The following NCR2 variants were observed in gnomAD, a reference collection of about 807,000 sequenced individuals.
NCR2 encodes natural cytotoxicity triggering receptor 2.
Under a neutral mutation model 30.7 loss-of-function variants are expected in NCR2, and 35 were observed. The observed-to-expected ratio is 1.14, with a 90% CI of 0.87 to 1.51. NCR2 has a LOEUF of 1.51. NCR2 is among the 40% of genes most tolerant of loss of function. The pLI is 0.00. For synonymous variants in NCR2, 146 were observed against 134.8 expected (o/e 1.08, Z -0.58); for missense variants, 316 against 328.9 (o/e 0.96, Z 0.30).
chr6:41,336,271 T>C lies in NCR2; in HGVS notation c.237T>C (p.Ser79=), dbSNP rs1364493487. The change falls in exon 2 of 5, where the codon TCT becomes TCC. Residue 79 remains serine (S), a synonymous_variant. Transcript: ENST00000373089. ...AGCCCAGGACGATGGCTTGGACCTC[T>C]CGATTCACAATCTGGGACGACCCTG... The part of the protein sequence containing the change: ...SSKPRTMAWT[S]RFTIWDDPDA... The C allele has an allele frequency of 6.2e-7, 1 of 1,614,178 alleles. No individual in the cohort carries two copies. Among genetic ancestry groups the C allele is most frequent in the South Asian group, 1.1e-5 (1 of 91,088 alleles).
chr6:41,339,899 T>C (rs1168514745), intron 2 of NCR2, among the ~76,000 whole-genome samples: 1 of 152,234 alleles, frequency 6.6e-6, no homozygotes, highest in African/African-American at 2.4e-5. Context: ...TTCTACCATC[T>C]TCATCTGGCT....
intron 4 of NCR2, among the ~76,000 whole-genome samples, chr6:41,346,101 G>C (rs1341453450): frequency 6.6e-6 from 1 of 152,112 alleles, no homozygotes; most frequent in Non-Finnish European, 1.5e-5. Context: ...CATCACTGCA[G>C]ATTCTGTACA....
At chr6:41,341,715 T>TC (rs1360827337) in intron 2 of NCR2, 79 bp from the exon 3 acceptor site, 2 of 1,506,328 alleles carry the variant, frequency 1.3e-6, no homozygotes, top group South Asian at 1.2e-5. Flanking sequence ...CTGGTCCAAC[T>TC]CCCCCATCCA....
Position 41,341,716 on chromosome 6 carries a change from C to T in NCR2, c.395-78C>T, listed in dbSNP as rs141309809. 7.3e-6 allele frequency: 11 copies of T among 1,514,188 alleles called. No individual in the cohort carries two copies. The African/African-American group carries it at 9.6e-5, about 13-fold the overall frequency. 93.8% of individuals were successfully genotyped at this position (1,514,188 alleles called of 1,614,324 possible). ...GCTCTGTTCCCAGTCTGGTCCAACTCCCCCATCCAGCTCTCCTGCCGGCAG... is the reference window on the plus strand; with the variant it reads ...GCTCTGTTCCCAGTCTGGTCCAACTTCCCCATCCAGCTCTCCTGCCGGCAG... On this transcript the variant is annotated intron_variant, in intron 2 of 4. Transcript: ENST00000373089.
chr6:41,338,214 G>A lies in NCR2; in HGVS notation c.394+1786G>A, dbSNP rs560489257. Among the ~76,000 whole-genome samples, 20 of 152,234 alleles carry A rather than the reference G, an allele frequency of 1.3e-4. 1 individual carries two copies. The South Asian group carries it at 2.5e-3, about 19-fold the overall frequency. ...TAAACTGGCTTCTTGTCTTAATTAG[G>A]AATTCTTCCTATAGATGAAACATGC... On this transcript the variant is annotated intron_variant, in intron 2 of 4. Coordinates refer to ENST00000373089, the MANE Select transcript of NCR2 (RefSeq NM_004828.4).
Position 41,350,633 on chromosome 6 carries a change from G to A in NCR2, c.645-45G>A, listed in dbSNP as rs367997940. On this transcript the variant is annotated intron_variant, in intron 4 of 4. Coordinates refer to ENST00000373089, the MANE Select transcript of NCR2 (RefSeq NM_004828.4). ...TGCCTCTGCACCTATGTGCAATTATGTGGCAGTCTCTGACCACCTTCCTGG... is the reference window on the plus strand; with the variant it reads ...TGCCTCTGCACCTATGTGCAATTATATGGCAGTCTCTGACCACCTTCCTGG... The A allele has an allele frequency of 6.5e-5, 102 of 1,561,680 alleles. 3 individuals are homozygous for A. The Middle Eastern group carries it at 8.9e-4, about 14-fold the overall frequency.
chr6:41,339,418 C>A (rs1321586148), intron 2 of NCR2, among the ~76,000 whole-genome samples: 1 of 151,196 alleles, frequency 6.6e-6, no homozygotes, highest in Non-Finnish European at 1.5e-5. Flanking sequence ...CAGAGTCTCA[C>A]TCAGTCACCC....
chr6:41,347,259 G>A (rs1769323616), intron 4 of NCR2, among the ~76,000 whole-genome samples: 2 of 152,130 alleles, frequency 1.3e-5, no homozygotes, highest in Admixed American at 6.5e-5. Context: ...CCTCTCTCCT[G>A]CATCATCTTC....
Position 41,350,837 on chromosome 6 carries a change from C to A in NCR2, c.804C>A (p.Ser268Arg). 1.1e-6 allele frequency: 1 copy of A among 921,422 alleles called. No homozygotes were observed. The highest frequency in any genetic ancestry group is 1.8e-6 in the Non-Finnish European group (1 of 553,598). 57.1% of individuals were successfully genotyped at this position (921,422 alleles called of 1,614,324 possible). ...ACACTGTTGCAAGGACTAAGATAAG[C>A]GATGATGATGATGAACACACTTTGT... The part of the protein sequence containing the change: ...LYHTVARTKI[S>R]DDDDEHTL The change falls in exon 5 of 5, where the codon AGC becomes AGA. Residue 268 changes from serine (S) to arginine (R), a missense_variant. Ser to Arg is a moderately radical substitution (Grantham distance 110). Transcript: ENST00000373089.
intron 4 of NCR2, among the ~76,000 whole-genome samples, chr6:41,348,281 T>C (rs1396591915): frequency 6.6e-6 from 1 of 152,138 alleles, no homozygotes; most frequent in African/African-American, 2.4e-5. Flanking sequence ...AACTCATCAT[T>C]TAAACCAGGT....
In NCR2 at chr6:41,336,267, C is replaced by T. The variant is rs780589880; in HGVS notation, c.233C>T (p.Thr78Ile). The change falls in exon 2 of 5, where the codon ACC becomes ATC. Residue 78 changes from threonine to isoleucine, a missense_variant. Coordinates refer to ENST00000373089, the MANE Select transcript of NCR2 (RefSeq NM_004828.4). ...TCCAAGCCCAGGACGATGGCTTGGA[C>T]CTCTCGATTCACAATCTGGGACGAC... Reference protein sequence around the residue: ...TSSKPRTMAWTSRFTIWDDPD... With the variant: ...TSSKPRTMAWISRFTIWDDPD... The T allele has an allele frequency of 8.7e-6, 14 of 1,614,168 alleles. No individual in the cohort carries two copies. In the South Asian group the frequency reaches 1.5e-4, roughly 18 times the overall value.
chr6:41,345,037 ACT>A (rs762045689), intron 4 of NCR2, among the ~76,000 whole-genome samples: 4 of 146,678 alleles, frequency 2.7e-5, no homozygotes. Flanking sequence ...CCCACTGCAC[ACT>A]CTCTCTCTGT....
intron 4 of NCR2, among the ~76,000 whole-genome samples, chr6:41,346,218 A>G (rs1333504601): frequency 2.0e-5 from 3 of 152,106 alleles, no homozygotes; most frequent in Non-Finnish European, 4.4e-5. Context: ...CGTAGACAAG[A>G]TCTACATGAA....
chr6:41,338,809 T>A (rs1769092642), intron 2 of NCR2, among the ~76,000 whole-genome samples: 1 of 152,236 alleles, frequency 6.6e-6, no homozygotes, highest in Non-Finnish European at 1.5e-5. Context: ...GAAAATGATA[T>A]CAAGCTCCCT....
chr6:41,348,253 G>A (rs750172610), intron 4 of NCR2, among the ~76,000 whole-genome samples: 18 of 152,242 alleles, frequency 1.2e-4, no homozygotes, highest in South Asian at 2.1e-4. Flanking sequence ...CCATTATGGC[G>A]TCAGGATGAG....
intron 4 of NCR2, among the ~76,000 whole-genome samples, chr6:41,342,706 C>G (rs1769205950): frequency 6.6e-6 from 1 of 152,150 alleles, no homozygotes; most frequent in Admixed American, 6.5e-5. Flanking sequence ...TCATTCTAGT[C>G]CTGAGGGAGA....
At chr6:41,340,160 T>C (rs1296096289) in intron 2 of NCR2, among the ~76,000 whole-genome samples, 1 of 151,474 alleles carries the variant, frequency 6.6e-6, no homozygotes, top group African/African-American at 2.4e-5. Context: ...TATTTATTTA[T>C]TTATTTATTT....
At position 41,336,334 on chromosome 6, in the gene NCR2, A is replaced by G. The variant is rs762769704; in HGVS notation, c.300A>G (p.Arg100=). The G allele has an allele frequency of 3.0e-5, 48 of 1,614,092 alleles. 1 individual carries two copies. The South Asian group carries it at 4.9e-4, about 17-fold the overall frequency. ...TCACTGTCACCATGACTGATCTGAG[A>G]GAGGAAGACTCAGGACATTACTGGT... The part of the protein sequence containing the change: ...GFFTVTMTDL[R]EEDSGHYWCR... The change falls in exon 2 of 5, where the codon AGA becomes AGG. Residue 100 remains arginine (R), a synonymous_variant. Transcript: ENST00000373089.
chr6:41,343,042 A>T (rs1409986019), intron 4 of NCR2: 3 of 1,543,280 alleles, frequency 1.9e-6, no homozygotes, highest in South Asian at 2.4e-5. Flanking sequence ...GCCAGTCTCC[A>T]ACAAGGCTGG....
Sources: allele counts gnomAD v4.1 joint callset (sites outside exome capture counted in the v4.1 genomes callset), GRCh38; gene constraint gnomAD v4.1.1; transcripts MANE v1.5; gene names NCBI Gene and HGNC (gene_info 2026-07-23, HGNC 2026-07-21).